Variants in NAALADL1 observed in about 807,000 individuals in gnomAD.
NAALADL1 encodes aminopeptidase NAALADL1.
Under a neutral mutation model 82.8 loss-of-function variants are expected in NAALADL1, and 77 were observed. The observed-to-expected ratio is 0.93, with a 90% CI of 0.77 to 1.12. The LOEUF is 1.12. NAALADL1 is among the 50% of genes most tolerant of loss of function. The probability of loss-of-function intolerance (pLI) is 0.00; values close to 1 mark genes in which losing one functional copy is unlikely to be tolerated. For synonymous variants in NAALADL1, 358 were observed against 399.2 expected (o/e 0.90, Z 1.23); for missense variants, 956 against 964.0 (o/e 0.99, Z 0.11).
chr11:65,059,504 G>C (rs1450559821), upstream of NAALADL1, among the ~76,000 whole-genome samples: 13 of 152,180 alleles, frequency 8.5e-5, no homozygotes, highest in African/African-American at 3.1e-4. Flanking sequence ...CCAGCGATAC[G>C]AGGAATGGGA....
chr11:65,060,130 G>T (rs1565256148), upstream of NAALADL1, among the ~76,000 whole-genome samples: 1 of 151,454 alleles, frequency 6.6e-6, no homozygotes, highest in East Asian at 1.9e-4. Context: ...GAGCGTGTGT[G>T]TGTGTGTGTG....
In NAALADL1 at chr11:65,046,533, G is replaced by C. The variant is rs760795763; in HGVS notation, c.1600-7C>G. On this transcript the variant is annotated splice_region_variant and splice_polypyrimidine_tract_variant and intron_variant, in intron 13 of 17. Transcript: ENST00000358658. ...TCCTGGCTGAAGTCTTGCTCTGGGG[G>C]AACAAAGCCCAGAGGTGACAGGCTT... The C allele has an allele frequency of 2.5e-6, 4 of 1,613,784 alleles. No individual in the cohort carries two copies. The African/African-American group carries it at 4.0e-5, about 16-fold the overall frequency.
At position 65,057,808 on chromosome 11, in the gene NAALADL1, G is replaced by T. The variant is rs992011546; in HGVS notation, c.480+67C>A. 10 of 1,599,148 alleles carry T rather than the reference G, an allele frequency of 6.3e-6. No homozygotes were observed. The Admixed American group carries it at 1.7e-4, about 27-fold the overall frequency. ...AGTTGAGGCACGTTCCCTGGGTCAG[G>T]GTGGGGAGAACCCTGGGTGGAACCA... On this transcript the variant is annotated intron_variant, in intron 3 of 17. Transcript: ENST00000358658.
upstream of NAALADL1, among the ~76,000 whole-genome samples, chr11:65,060,776 T>C (rs1271608193): frequency 6.6e-6 from 1 of 152,184 alleles, no homozygotes; most frequent in Non-Finnish European, 1.5e-5. Context: ...GTGGGTGGTA[T>C]GGCCCCTCCC....
At chr11:65,046,810 C>G (rs895386547) in intron 13 of NAALADL1, among the ~76,000 whole-genome samples, 1 of 152,140 alleles carries the variant, frequency 6.6e-6, no homozygotes, top group Admixed American at 6.6e-5. Context: ...AATCCCAGCT[C>G]TACTACCAAG....
Position 65,048,162 on chromosome 11 carries a change from G to A in NAALADL1, c.1338C>T (p.Ile446=), listed in dbSNP as rs185057856. Residue 446 remains isoleucine (I), a synonymous_variant, in exon 10 of 18, where the codon ATC becomes ATT. Transcript: ENST00000358658. ...CCACCACCCACATACCAAACACCGAGATGTCCACGTTGATGTAGGCCACCG... is the reference window on the plus strand; with the variant it reads ...CCACCACCCACATACCAAACACCGAAATGTCCACGTTGATGTAGGCCACCG... ...ERTVAYINVD[I]SVFANATLRV... is the part of the protein sequence containing the mutation. The A allele has an allele frequency of 3.7e-6, 6 of 1,613,990 alleles. No homozygotes were observed. The African/African-American group carries it at 8.0e-5, about 22-fold the overall frequency.
At chr11:65,051,187 C>T (rs1169860484) in intron 8 of NAALADL1, among the ~76,000 whole-genome samples, 4 of 152,186 alleles carry the variant, frequency 2.6e-5, no homozygotes, top group Non-Finnish European at 5.9e-5. Flanking sequence ...CAGCCTCTCT[C>T]CACAAGCTTG....
rs370687468 is a variant in NAALADL1, at chr11:65,048,376, C to T, written c.1208G>A (p.Arg403His). ...LGTLLKKGTW[R>H]PRRSIVFASW... The stretch of plus-strand genomic sequence containing the variant: ...CGCAAACACGATTGATCTGCGAGGA[C>T]GCCAGGTGCCTGGGAATGGGGGATA... Residue 403 changes from arginine (R) to histidine (H), a missense_variant, in exon 9 of 18, where the codon CGT becomes CAT. Physicochemically the swap from Arg to His is conservative, Grantham distance 29. Transcript: ENST00000358658. 5.0e-6 allele frequency: 8 copies of T among 1,614,010 alleles called. No homozygotes were observed. Among genetic ancestry groups the T allele is most frequent in the Non-Finnish European group, 6.8e-6 (8 of 1,180,034 alleles).
In NAALADL1 at chr11:65,057,448, C is replaced by T. The variant is rs1029580070; in HGVS notation, c.526G>A (p.Glu176Lys). Residue 176 changes from glutamate (E) to lysine (K), a missense_variant, in exon 4 of 18, where the codon GAG becomes AAG. By Grantham distance (56) the Glu-to-Lys change is moderately conservative. Transcript: ENST00000358658. Reference protein sequence around the residue: ...ANRGAEEDFKELQTQGIKLEG... With the variant: ...ANRGAEEDFKKLQTQGIKLEG... ...AGTTTGATGCCCTGAGTCTGTAGCT[C>T]CTTAAAGTCTTCTTCCGCGCCCCGG... The T allele has an allele frequency of 9.3e-6, 15 of 1,614,106 alleles. No individual in the cohort carries two copies. The African/African-American group carries it at 2.0e-4, about 22-fold the overall frequency.
rs1226268520 is a variant in NAALADL1, at chr11:65,053,419, G to A, written c.1078+72C>T. On this transcript the variant is annotated intron_variant, in intron 7 of 17. Coordinates refer to ENST00000358658, the MANE Select transcript of NAALADL1 (RefSeq NM_005468.3). This position sits in a 1 kb window ranked among gnomAD's most constrained non-coding sequence, Gnocchi z 4.3. ...GCTGGGCTGGGTGGTGGCAAGGGCA[G>A]GGCTGGATGAGGACAGCGGCATCCA... 5.6e-6 allele frequency: 9 copies of A among 1,612,776 alleles called. No individual in the cohort carries two copies. In the African/African-American group the frequency reaches 9.4e-5, roughly 17 times the overall value.
chr11:65,047,382 T>C, intron 13 of NAALADL1, 93 bp downstream of exon 13: 1 of 1,067,674 alleles, frequency 9.4e-7, no homozygotes, highest in Non-Finnish European at 1.3e-6. Context: ...TGAGTAAAGG[T>C]GCAGGGTTCA....
At chr11:65,050,118 C>T (rs1946846854) in intron 8 of NAALADL1, among the ~76,000 whole-genome samples, 1 of 151,788 alleles carries the variant, frequency 6.6e-6, no homozygotes, top group East Asian at 2.1e-4. Flanking sequence ...TCAGGTGATC[C>T]ACCCACCCCG....
chr11:65,046,755 C>G (rs186872038), intron 13 of NAALADL1, among the ~76,000 whole-genome samples: 17 of 152,314 alleles, frequency 1.1e-4, no homozygotes, highest in Admixed American at 5.9e-4. Context: ...TTTCCAGTTT[C>G]ACAGAAAGGA....
In NAALADL1 at chr11:65,046,607, G is replaced by A; in HGVS notation, c.1600-81C>T. The A allele has an allele frequency of 2.9e-6, 4 of 1,370,598 alleles. 1 individual carries two copies. The highest frequency in any genetic ancestry group is 4.2e-6 in the Non-Finnish European group (4 of 963,390). The allele number at this position is 1,370,598 out of a possible 1,614,324, so 84.9% of individuals were successfully genotyped here. On this transcript the variant is annotated intron_variant, in intron 13 of 17. Transcript: ENST00000358658. Reference sequence around the variant, plus strand: ...TACCTCCAGTGAGCTGCAAAATGTGGGCATTATCTCCACTGAATCTTGGCC... The same window carrying A: ...TACCTCCAGTGAGCTGCAAAATGTGAGCATTATCTCCACTGAATCTTGGCC...
At position 65,048,373 on chromosome 11, in the gene NAALADL1, G is replaced by T; in HGVS notation, c.1211C>A (p.Pro404His). 4 of 1,614,204 alleles carry T rather than the reference G, an allele frequency of 2.5e-6. No individual in the cohort carries two copies. Among genetic ancestry groups the T allele is most frequent in the Non-Finnish European group, 3.4e-6 (4 of 1,180,032 alleles). The change falls in exon 9 of 18, where the codon CCT (proline) becomes CAT (histidine). Residue 404 changes from proline to histidine, a missense_variant. Transcript: ENST00000358658. ...GCTCGCAAACACGATTGATCTGCGA[G>T]GACGCCAGGTGCCTGGGAATGGGGG... is the stretch of plus-strand genomic sequence containing the variant. ...GTLLKKGTWR[P>H]RRSIVFASWG...
At position 65,058,135 on chromosome 11, in the gene NAALADL1, T is replaced by C. The variant is rs1455189738; in HGVS notation, c.301A>G (p.Thr101Ala). The C allele has an allele frequency of 6.2e-7, 1 of 1,613,720 alleles. No individual in the cohort carries two copies. Among genetic ancestry groups the C allele is most frequent in the African/African-American group, 1.3e-5 (1 of 74,918 alleles). Residue 101 changes from threonine to alanine, a missense_variant, in exon 2 of 18, where the codon ACG becomes GCG. Coordinates refer to ENST00000358658, the MANE Select transcript of NAALADL1 (RefSeq NM_005468.3). The part of the protein sequence containing the change: ...ESGLDSAEAS[T>A]YEVLLSFPSQ... The stretch of plus-strand genomic sequence containing the variant: ...GGGAAGGACAGCAGCACTTCGTACG[T>C]GGAGGCCTCGGCCGAGTCCAGGCCT...
intron 2 of NAALADL1, 22 bp from the exon 3 acceptor site, chr11:65,058,018 C>T: frequency 6.8e-6 from 11 of 1,614,026 alleles, no homozygotes; most frequent in Non-Finnish European, 9.3e-6. Context: ...GTGGCAGTAT[C>T]ATGGCTGGGC....
chr11:65,044,979 T>C lies in NAALADL1; in HGVS notation c.*292A>G, dbSNP rs1258635199. On this transcript the variant is annotated 3_prime_UTR_variant, in exon 18 of 18. Transcript: ENST00000358658. This position sits in a 1 kb window ranked among gnomAD's most constrained non-coding sequence, Gnocchi z 4.0. ...TTGGCCTTGATGACCTGAGTTGGCATCTGAGGTTGGCACGCATCCCATCTC... is the reference window on the plus strand; with the variant it reads ...TTGGCCTTGATGACCTGAGTTGGCACCTGAGGTTGGCACGCATCCCATCTC... The C allele has an allele frequency of 1.3e-5, 8 of 617,802 alleles. No individual in the cohort carries two copies. The highest frequency in any genetic ancestry group is 2.0e-5 in the Non-Finnish European group (7 of 358,256). The allele number at this position is 617,802 out of a possible 1,614,324, so 38.3% of individuals were successfully genotyped here.
In NAALADL1 at chr11:65,047,675, T is replaced by G; in HGVS notation, c.1480A>C (p.Ser494Arg). 8 of 1,607,800 alleles carry G rather than the reference T, an allele frequency of 5.0e-6. No individual in the cohort carries two copies. The highest frequency in any genetic ancestry group is 6.8e-6 in the Non-Finnish European group (8 of 1,177,952). ...GGGACCAGGCCGTACACCGGGCTGC[T>G]GCGGTTGAAGTACCGGATCCAGTTG... The part of the protein sequence containing the change: ...YDNWIRYFNR[S>R]SPVYGLVPSL... The change falls in exon 12 of 18, where the codon AGC (serine) becomes CGC (arginine). Residue 494 changes from serine to arginine, a missense_variant. Coordinates refer to ENST00000358658, the MANE Select transcript of NAALADL1 (RefSeq NM_005468.3).
Sources: gnomAD v4.1 joint callset for allele counts (sites outside exome capture counted in the v4.1 genomes callset) on GRCh38, gnomAD v4.1.1 for gene constraint, Gnocchi (gnomAD v3.1) non-coding constraint, MANE v1.5 for transcripts, NCBI Gene and HGNC (gene_info 2026-07-23, HGNC 2026-07-21) for gene names.